The following ZNF454 variants were observed in gnomAD, a reference collection of about 807,000 sequenced individuals.
ZNF454 encodes the protein zinc finger protein 454.
ZNF454 carries 30 observed loss-of-function variants against 48.2 expected under a neutral mutation model. That is an observed-to-expected ratio of 0.62 (90% CI 0.47 to 0.84). The LOEUF (loss-of-function observed/expected upper bound fraction) is 0.84. Ranked by LOEUF, ZNF454 falls within the 40% of genes least tolerant of loss-of-function variation. ZNF454 has a pLI of 0.00. For missense variants in ZNF454, 510 were observed against 623.1 expected, an observed-to-expected ratio of 0.82 and a Z score of 1.93; for synonymous variants, 204 against 211.4, an observed-to-expected ratio of 0.97 and a Z score of 0.30.
chr5:178,968,526 C>A (rs2113289584), downstream of ZNF454, among the ~76,000 whole-genome samples: 1 of 152,312 alleles, frequency 6.6e-6, no homozygotes, highest in East Asian at 1.9e-4. Flanking sequence ...ACTTTCTTCC[C>A]TATTAAGCTG....
Position 178,965,247 on chromosome 5 carries a change from TA to T in ZNF454, c.844del (p.Ile282SerfsTer86), listed in dbSNP as rs1293735054. 8.7e-6 allele frequency: 14 copies of T among 1,614,196 alleles called. No homozygotes were observed. Among genetic ancestry groups the T allele is most frequent in the Non-Finnish European group, 1.2e-5 (14 of 1,180,032 alleles). On this transcript the variant is annotated frameshift_variant, in exon 5 of 5. Coordinates refer to ENST00000519564, the MANE Select transcript of ZNF454 (RefSeq NM_001178089.3). LOFTEE classifies it high-confidence loss of function. This position sits in a 1 kb window ranked among gnomAD's most constrained non-coding sequence, Gnocchi z 5.2. ...FECNLCGKAF[I>X]RNIHLAHHHR... ...AATGCAACTTATGTGGAAAAGCTTT[TA>T]TCCGAAATATACACCTTGCCCATCA...
chr5:178,981,709 G>T, the ZNF454 span: 1 of 1,614,144 alleles, frequency 6.2e-7, no homozygotes, highest in East Asian at 2.2e-5. The surrounding 1 kb of genome is among the most constrained non-coding windows in gnomAD (Gnocchi z 5.1). Context: ...CACCGTGGAG[G>T]TGGCCTTGAG....
At chr5:178,951,400 T>C (rs1759553121) in intron 4 of ZNF454, among the ~76,000 whole-genome samples, 1 of 152,190 alleles carries the variant, frequency 6.6e-6, no homozygotes, top group South Asian at 2.1e-4. Flanking sequence ...CTCTTTGTGT[T>C]TTCTTCCTCT....
chr5:178,974,504 G>T, the ZNF454 span, among the ~76,000 whole-genome samples: 27 of 152,258 alleles, frequency 1.8e-4, no homozygotes, highest in African/African-American at 6.3e-4. Flanking sequence ...ATATTTAGTA[G>T]AGACGGGGTT....
In ZNF454 at chr5:178,964,854, G is replaced by A. The variant is rs1361932873; in HGVS notation, c.450G>A (p.Gln150=). 6.2e-7 allele frequency: 1 copy of A among 1,614,058 alleles called. No homozygotes were observed. Among genetic ancestry groups the A allele is most frequent in the African/African-American group, 1.3e-5 (1 of 74,922 alleles). ...VVLTHPNTPS[Q]ECDESGSTMS... ...TCACTCACCCCAACACCCCATCACA[G>A]GAATGTGATGAATCCGGGAGCACTA... Residue 150 remains glutamine, a synonymous_variant, in exon 5 of 5, where the codon CAG becomes CAA. Transcript: ENST00000519564.
downstream of ZNF454, chr5:178,968,740 G>A (rs888796819): frequency 1.5e-5 from 7 of 456,510 alleles, no homozygotes; most frequent in African/African-American, 1.2e-4. Context: ...TTGAATCCCT[G>A]AGAAGCACGT....
At chr5:178,980,228 G>A in the ZNF454 span, 4,012 of 154,480 alleles carry the variant, frequency 0.026, 86 homozygotes, top group South Asian at 0.074. This position sits in a 1 kb window ranked among gnomAD's most constrained non-coding sequence, Gnocchi z 4.3. Flanking sequence ...ACTAGAGAAT[G>A]TATACTGATC....
chr5:178,948,773 A>C (rs2113203403), intron 4 of ZNF454, among the ~76,000 whole-genome samples: 1 of 151,554 alleles, frequency 6.6e-6, no homozygotes, highest in South Asian at 2.1e-4. Flanking sequence ...TTAAAATTTT[A>C]TATGTAGATC....
chr5:178,945,458 G>C (rs1759290985), intron 2 of ZNF454, among the ~76,000 whole-genome samples: 1 of 148,702 alleles, frequency 6.7e-6, no homozygotes, highest in Non-Finnish European at 1.5e-5. Flanking sequence ...GAATGTGGGG[G>C]GGGTGTGTCG....
chr5:178,959,658 T>G (rs1257486490), intron 4 of ZNF454, among the ~76,000 whole-genome samples: 4 of 152,018 alleles, frequency 2.6e-5, no homozygotes, highest in Non-Finnish European at 5.9e-5. Context: ...CAGGCTGGAG[T>G]GCAGTGGCAC....
chr5:178,987,492 G>C, the ZNF454 span: 2 of 455,526 alleles, frequency 4.4e-6, no homozygotes, highest in Non-Finnish European at 8.8e-6. Context: ...AAGGAAGGCA[G>C]TTCTGACCCA....
intron 2 of ZNF454, among the ~76,000 whole-genome samples, chr5:178,945,303 C>T (rs1441416825): frequency 2.7e-5 from 4 of 146,934 alleles, no homozygotes; most frequent in South Asian, 2.2e-4. Flanking sequence ...TTGTGTGGTA[C>T]GTGTCTGTCT....
At chr5:178,989,709 T>A in the ZNF454 span, 1 of 480,420 alleles carries the variant, frequency 2.1e-6, no homozygotes, top group South Asian at 2.1e-5. Flanking sequence ...GCCTCACCAT[T>A]TGAAAGACTT....
In ZNF454 at chr5:178,946,571, G is replaced by A. The variant is rs1759347785; in HGVS notation, c.160+86G>A. The A allele has an allele frequency of 2.7e-6, 4 of 1,496,822 alleles. No homozygotes were observed. In the African/African-American group the frequency reaches 4.2e-5, roughly 16 times the overall value. The allele number at this position is 1,496,822 out of a possible 1,614,324, so 92.7% of individuals were successfully genotyped here. A position where few individuals can be genotyped will look rare whatever the true frequency, so the allele number is the denominator to read the frequency against. On this transcript the variant is annotated intron_variant, in intron 3 of 4. Coordinates refer to ENST00000519564, the MANE Select transcript of ZNF454 (RefSeq NM_001178089.3). This position sits in a 1 kb window ranked among gnomAD's most constrained non-coding sequence, Gnocchi z 4.5. ...TTGACACCATATAGAAGAGTCGGTTGGACCAACTGAGGACGCTGTCTTCAA... is the reference window on the plus strand; with the variant it reads ...TTGACACCATATAGAAGAGTCGGTTAGACCAACTGAGGACGCTGTCTTCAA...
At chr5:178,947,665 G>T (rs1485051426) in intron 4 of ZNF454, among the ~76,000 whole-genome samples, 21 of 152,114 alleles carry the variant, frequency 1.4e-4, no homozygotes. Context: ...TTGTATCGGT[G>T]GCTTAAGGGC....
the ZNF454 span, among the ~76,000 whole-genome samples, chr5:178,973,395 T>G: frequency 6.6e-6 from 1 of 152,224 alleles, no homozygotes; most frequent in Non-Finnish European, 1.5e-5. Context: ...TTTTCTTTCT[T>G]TCTCAATTAA....
the ZNF454 span, chr5:178,985,229 A>G: frequency 2.2e-6 from 1 of 455,056 alleles, no homozygotes; most frequent in Admixed American, 2.4e-5. Flanking sequence ...TGTGAGCCAA[A>G]TTGTAGAAGA....
chr5:178,987,780 G>C, the ZNF454 span, among the ~76,000 whole-genome samples: 1 of 152,046 alleles, frequency 6.6e-6, no homozygotes, highest in East Asian at 1.9e-4. Flanking sequence ...TTTATTTAGA[G>C]ACAGAGTCTC....
intron 4 of ZNF454, among the ~76,000 whole-genome samples, chr5:178,962,180 C>T (rs987167167): frequency 4.6e-5 from 7 of 151,432 alleles, no homozygotes; most frequent in African/African-American, 1.2e-4. Flanking sequence ...GTTCTTTCAC[C>T]GCTTCAGATG....
Sources: gnomAD v4.1 joint callset for allele counts (sites outside exome capture counted in the v4.1 genomes callset) on GRCh38, gnomAD v4.1.1 for gene constraint, Gnocchi (gnomAD v3.1) non-coding constraint, MANE v1.5 for transcripts, NCBI Gene and HGNC (gene_info 2026-07-23, HGNC 2026-07-21) for gene names.